The following TAFA1 variants were observed in gnomAD, a reference collection of about 807,000 sequenced individuals.
The protein encoded by TAFA1 is chemokine-like protein TAFA-1.
Under a neutral mutation model 18.5 loss-of-function variants are expected in TAFA1, and 4 were observed. That is an observed-to-expected ratio of 0.22 (90% CI 0.11 to 0.49). The LOEUF is 0.49. Ranked by LOEUF, TAFA1 falls within the 20% of genes least tolerant of loss-of-function variation. The pLI is 0.98. For missense variants in TAFA1, 147 were observed against 169.0 expected, an observed-to-expected ratio of 0.87 and a Z score of 0.72; for synonymous variants, 56 against 55.2, an observed-to-expected ratio of 1.01 and a Z score of -0.06.
At chr3:68,108,866 C>G (rs1408769028) in intron 2 of TAFA1, among the ~76,000 whole-genome samples, 2 of 151,880 alleles carry the variant, frequency 1.3e-5, no homozygotes, top group Non-Finnish European at 2.9e-5. Context: ...TTTAACCAAT[C>G]CCATTTCACT....
At chr3:68,142,354 A>G (rs979707481) in intron 2 of TAFA1, among the ~76,000 whole-genome samples, 4 of 152,220 alleles carry the variant, frequency 2.6e-5, no homozygotes, top group Non-Finnish European at 5.9e-5. Flanking sequence ...TCTTATTTGC[A>G]TGTGATGGAA....
intron 2 of TAFA1, among the ~76,000 whole-genome samples, chr3:68,116,825 G>C (rs546047123): frequency 1.3e-5 from 2 of 152,204 alleles, no homozygotes; most frequent in South Asian, 4.2e-4. Flanking sequence ...CACCTGCCTG[G>C]GTTTGTAAAC....
chr3:68,539,994 A>G (rs2106792372), intron 4 of TAFA1, among the ~76,000 whole-genome samples: 1 of 152,174 alleles, frequency 6.6e-6, no homozygotes, highest in East Asian at 1.9e-4. Context: ...ATTCTACCAA[A>G]GGTCTGATGT....
Position 68,006,654 on chromosome 3 carries a change from G to A in TAFA1, c.28G>A (p.Val10Ile). 1 of 1,613,862 alleles carries A rather than the reference G, an allele frequency of 6.2e-7. No individual in the cohort carries two copies. The highest frequency in any genetic ancestry group is 8.5e-7 in the Non-Finnish European group (1 of 1,179,786). ...GGCAATGGTCTCTGCGATGTCCTGG[G>A]TCCTGTATTTGTGGATAAGTGCTTG... MAMVSAMSW[V>I]LYLWISACAM... Residue 10 changes from valine to isoleucine, a missense_variant, in exon 2 of 5, where the codon GTC (valine) becomes ATC (isoleucine). Physicochemically the swap from Val to Ile is conservative, Grantham distance 29. Transcript: ENST00000478136.
chr3:68,097,364 T>C (rs1447074041), intron 2 of TAFA1, among the ~76,000 whole-genome samples: 6 of 152,178 alleles, frequency 3.9e-5, no homozygotes, highest in Admixed American at 3.3e-4. Context: ...TTTCTACTTA[T>C]GTGAGAGTAA....
chr3:68,293,941 G>A (rs575026127), intron 2 of TAFA1, among the ~76,000 whole-genome samples: 13 of 152,286 alleles, frequency 8.5e-5, no homozygotes, highest in East Asian at 1.9e-4. Flanking sequence ...TGATCAAAGT[G>A]CAGAGAATGT....
chr3:68,090,920 A>G (rs1173781142), intron 2 of TAFA1, among the ~76,000 whole-genome samples: 1 of 152,186 alleles, frequency 6.6e-6, no homozygotes, highest in African/African-American at 2.4e-5. Context: ...CAAAACAACC[A>G]GAATATTTAT....
chr3:68,450,166 T>G (rs879635437), intron 3 of TAFA1, among the ~76,000 whole-genome samples: 3 of 152,160 alleles, frequency 2.0e-5, no homozygotes, highest in Admixed American at 2.0e-4. Context: ...AATATAACCA[T>G]GGGATTCATG....
At chr3:68,313,968 T>A (rs2068564223) in intron 2 of TAFA1, among the ~76,000 whole-genome samples, 1 of 152,208 alleles carries the variant, frequency 6.6e-6, no homozygotes, top group Non-Finnish European at 1.5e-5. Flanking sequence ...TAAGTAGAAC[T>A]GTAAAAAGGA....
intron 2 of TAFA1, among the ~76,000 whole-genome samples, chr3:68,261,550 T>C (rs1252150196): frequency 1.3e-5 from 2 of 151,932 alleles, no homozygotes; most frequent in Non-Finnish European, 2.9e-5. Flanking sequence ...ATTAAGAAAA[T>C]GTGGCACATA....
chr3:68,200,278 A>G (rs2066455984), intron 2 of TAFA1, among the ~76,000 whole-genome samples: 1 of 151,572 alleles, frequency 6.6e-6, no homozygotes, highest in African/African-American at 2.4e-5. Context: ...CATGAGAGAT[A>G]TTGGTCTGTA....
At chr3:68,030,081 G>A (rs936138124) in intron 2 of TAFA1, among the ~76,000 whole-genome samples, 3 of 152,082 alleles carry the variant, frequency 2.0e-5, no homozygotes, top group Non-Finnish European at 4.4e-5. Context: ...TTAACTTGAT[G>A]TTTTGTAAGA....
intron 3 of TAFA1, among the ~76,000 whole-genome samples, chr3:68,521,439 G>A (rs1366195456): frequency 1.3e-5 from 2 of 152,154 alleles, no homozygotes; most frequent in East Asian, 3.9e-4. Context: ...TCTGCTTGGT[G>A]CATTAAACAC....
At chr3:68,394,650 T>G (rs974458381) in intron 2 of TAFA1, among the ~76,000 whole-genome samples, 1 of 151,852 alleles carries the variant, frequency 6.6e-6, no homozygotes, top group Non-Finnish European at 1.5e-5. Context: ...AATAACACTA[T>G]GCATCTACAA....
intron 2 of TAFA1, among the ~76,000 whole-genome samples, chr3:68,372,976 GC>G (rs1213316605): frequency 1.3e-5 from 2 of 152,102 alleles, no homozygotes; most frequent in Non-Finnish European, 2.9e-5. Context: ...CATGTAGGGT[GC>G]CTCTACCTAG....
intron 2 of TAFA1, among the ~76,000 whole-genome samples, chr3:68,156,650 C>T (rs2106931320): frequency 6.6e-6 from 1 of 152,218 alleles, no homozygotes; most frequent in African/African-American, 2.4e-5. Context: ...GAAAACAGTT[C>T]AGTGACCTAC....
intron 2 of TAFA1, among the ~76,000 whole-genome samples, chr3:68,026,558 C>T (rs1336792330): frequency 6.6e-6 from 1 of 151,878 alleles, no homozygotes; most frequent in African/African-American, 2.4e-5. Flanking sequence ...CACATATATA[C>T]ATCTGTATAT....
intron 2 of TAFA1, among the ~76,000 whole-genome samples, chr3:68,243,647 G>A (rs898324359): frequency 2.0e-5 from 3 of 152,076 alleles, no homozygotes; most frequent in Non-Finnish European, 4.4e-5. Flanking sequence ...TTTTATGGCT[G>A]AGTAATATTT....
chr3:68,218,997 T>C (rs1178399238), intron 2 of TAFA1, among the ~76,000 whole-genome samples: 1 of 140,096 alleles, frequency 7.1e-6, no homozygotes, highest in Non-Finnish European at 1.5e-5. Flanking sequence ...ACTCAATTCC[T>C]AAGCATTCTT....
Sources: allele counts gnomAD v4.1 joint callset (sites outside exome capture counted in the v4.1 genomes callset), GRCh38; gene constraint gnomAD v4.1.1; transcripts MANE v1.5; gene names NCBI Gene and HGNC (gene_info 2026-07-23, HGNC 2026-07-21).